MAPDA: variants seen among roughly 807,000 people sequenced by gnomAD.
MAPDA encodes the protein N6,N6-dimethyl-AMP deaminase.
At chr15:43,350,877 G>A in the MAPDA span, 1 of 1,341,018 alleles carries the variant, frequency 7.5e-7, no homozygotes, top group East Asian at 2.5e-5. Context: ...TGTCTACTTG[G>A]TGAACACTGA....
the MAPDA span, among the ~76,000 whole-genome samples, chr15:43,340,737 C>G: frequency 1.3e-5 from 2 of 152,148 alleles, no homozygotes; most frequent in Non-Finnish European, 2.9e-5. Flanking sequence ...TAGTAAAATT[C>G]CAGTCAGGCA....
At chr15:43,351,908 A>C in the MAPDA span, 1 of 1,551,616 alleles carries the variant, frequency 6.4e-7, no homozygotes, top group Non-Finnish European at 8.7e-7. Flanking sequence ...CTGAGGAAGA[A>C]ATGGAATCAC....
At chr15:43,343,423 G>C in the MAPDA span, among the ~76,000 whole-genome samples, 1 of 152,172 alleles carries the variant, frequency 6.6e-6, no homozygotes, top group Non-Finnish European at 1.5e-5. Flanking sequence ...TGGGCCTGCT[G>C]TCTGTTCCTA....
chr15:43,350,531 T>C, the MAPDA span, among the ~76,000 whole-genome samples: 1 of 152,200 alleles, frequency 6.6e-6, no homozygotes, highest in African/African-American at 2.4e-5. Flanking sequence ...TCACACCTGG[T>C]GCTACAGTTT....
At chr15:43,349,887 C>G in the MAPDA span, among the ~76,000 whole-genome samples, 3 of 152,144 alleles carry the variant, frequency 2.0e-5, no homozygotes, top group African/African-American at 7.2e-5. Flanking sequence ...GGTGTGGTGG[C>G]CTAGCTCTGC....
the MAPDA span, among the ~76,000 whole-genome samples, chr15:43,338,103 A>G: frequency 1.3e-5 from 2 of 152,220 alleles, no homozygotes; most frequent in African/African-American, 4.8e-5. Context: ...TTAATACTCT[A>G]TGGGTATATT....
the MAPDA span, chr15:43,346,078 CCAACA>C: frequency 4.0e-6 from 6 of 1,488,004 alleles, no homozygotes; most frequent in South Asian, 1.2e-5. Context: ...TCCAGAGTGT[CCAACA>C]GACACTCCAT....
chr15:43,332,585 G>A, the MAPDA span, among the ~76,000 whole-genome samples: 2 of 152,194 alleles, frequency 1.3e-5, no homozygotes, highest in African/African-American at 4.8e-5. Flanking sequence ...TAGGCCGGGG[G>A]AGGAGGGGCC....
At chr15:43,345,261 G>A in the MAPDA span, among the ~76,000 whole-genome samples, 28 of 151,952 alleles carry the variant, frequency 1.8e-4, no homozygotes, top group Non-Finnish European at 2.8e-4. Flanking sequence ...GACTGAGGCA[G>A]GAGAATCGCT....
chr15:43,336,514 AGTTCTTT>A, the MAPDA span: 2 of 760,014 alleles, frequency 2.6e-6, no homozygotes, highest in Non-Finnish European at 4.1e-6. Flanking sequence ...TCTATTCTGT[AGTTCTTT>A]GTAAATATAA....
chr15:43,346,444 G>A, the MAPDA span, among the ~76,000 whole-genome samples: 9 of 152,298 alleles, frequency 5.9e-5, no homozygotes, highest in African/African-American at 1.2e-4. Flanking sequence ...ATTGTAGGAT[G>A]TTTAGCAGCA....
the MAPDA span, among the ~76,000 whole-genome samples, chr15:43,340,096 A>C: frequency 5.3e-5 from 8 of 152,266 alleles, no homozygotes; most frequent in Non-Finnish European, 8.8e-5. Flanking sequence ...AGCCCTGCAT[A>C]GTCTCCATCA....
the MAPDA span, chr15:43,330,575 G>GA: frequency 2.5e-4 from 357 of 1,425,742 alleles, 1 homozygote; most frequent in Middle Eastern, 5.2e-4. Context: ...TCGGTAGGGG[G>GA]AAAAAAACCA....
At chr15:43,335,300 C>T in the MAPDA span, 3 of 891,936 alleles carry the variant, frequency 3.4e-6, no homozygotes, top group Non-Finnish European at 5.3e-6. Context: ...TTTGGGAGGC[C>T]AAGGCGGGTG....
At chr15:43,330,617 A>T in the MAPDA span, 4 of 1,128,642 alleles carry the variant, frequency 3.5e-6, no homozygotes, top group African/African-American at 1.6e-5. Context: ...TTCCGCCGGC[A>T]CTTGTGCGTC....
chr15:43,341,255 T>A, the MAPDA span, among the ~76,000 whole-genome samples: 1 of 152,226 alleles, frequency 6.6e-6, no homozygotes, highest in South Asian at 2.1e-4. Flanking sequence ...GAGAAGGCTC[T>A]CATCTTGCAT....
chr15:43,341,841 A>C, the MAPDA span, among the ~76,000 whole-genome samples: 1 of 152,036 alleles, frequency 6.6e-6, no homozygotes, highest in Non-Finnish European at 1.5e-5. Flanking sequence ...GGTTATTTTT[A>C]TTTATTTATT....
the MAPDA span, chr15:43,353,160 C>G: frequency 6.6e-5 from 10 of 152,184 alleles, no homozygotes; most frequent in East Asian, 1.2e-3. Flanking sequence ...TTCATTGGGT[C>G]TCTTGTAACC....
chr15:43,350,486 A>C, the MAPDA span, among the ~76,000 whole-genome samples: 2 of 152,072 alleles, frequency 1.3e-5, no homozygotes, highest in Non-Finnish European at 2.9e-5. Context: ...AGCCATGGCA[A>C]AGTCTCTGCT....
Sources: allele counts gnomAD v4.1 joint callset (sites outside exome capture counted in the v4.1 genomes callset), GRCh38; gene constraint gnomAD v4.1.1; transcripts MANE v1.5; gene names NCBI Gene and HGNC (gene_info 2026-07-23, HGNC 2026-07-21).